The following BAG6 variants were observed in gnomAD, a reference collection of about 807,000 sequenced individuals.
BAG6 encodes the protein large proline-rich protein BAG6.
Under a neutral mutation model 121.0 loss-of-function variants are expected in BAG6, and 22 were observed. That is an observed-to-expected ratio of 0.18 (90% CI 0.13 to 0.26). BAG6 has a LOEUF of 0.26. Ranked by LOEUF, BAG6 falls within the 10% of genes least tolerant of loss-of-function variation. The probability of loss-of-function intolerance (pLI) is 1.00; values close to 1 mark genes in which losing one functional copy is unlikely to be tolerated. For synonymous variants in BAG6, 583 were observed against 584.6 expected (o/e 1.00, Z 0.04); for missense variants, 1,233 against 1,537.7 (o/e 0.80, Z 3.31).
intron 2 of BAG6, among the ~76,000 whole-genome samples, chr6:31,650,011 G>C (rs1427810964): frequency 1.3e-5 from 2 of 152,098 alleles, no homozygotes; most frequent in African/African-American, 4.8e-5. Context: ...TGAAGCAAGA[G>C]AATCACTTGA....
Position 31,644,157 on chromosome 6 carries a change from C to T in BAG6, c.1593G>A (p.Arg531=), listed in dbSNP as rs1480317873. Residue 531 remains arginine (R), a synonymous_variant, in exon 13 of 26, where the codon CGG becomes CGA. Transcript: ENST00000676615. This position sits in a 1 kb window ranked among gnomAD's most constrained non-coding sequence, Gnocchi z 4.9. ...QVPGFPTAPT[R]VVIARPTPPQ... Reference sequence around the variant, plus strand: ...GAGGAGTGGGCCGGGCAATCACCACCCGGGTTGGAGCTGTTGGGAAGCCTG... The same window carrying T: ...GAGGAGTGGGCCGGGCAATCACCACTCGGGTTGGAGCTGTTGGGAAGCCTG... The T allele has an allele frequency of 6.2e-7, 1 of 1,613,990 alleles. No individual in the cohort carries two copies. The highest frequency in any genetic ancestry group is 2.2e-5 in the East Asian group (1 of 44,876).
intron 25 of BAG6, 42 bp downstream of exon 25, chr6:31,639,458 C>T: frequency 6.3e-7 from 1 of 1,587,126 alleles, no homozygotes; most frequent in Non-Finnish European, 8.6e-7. Flanking sequence ...CCTAGCCCAA[C>T]CCCTCCCACT....
At position 31,641,396 on chromosome 6, in the gene BAG6, C is replaced by T. The variant is rs1782569005; in HGVS notation, c.2586G>A (p.Val862=). ...SFSLVQVQPG[V]DIIRTNLEFL... is the part of the protein sequence containing the mutation. The stretch of plus-strand genomic sequence containing the variant: ...ATTCCAGGTTTGTCCGGATGATGTC[C>T]ACACCTGGCTGAACCTGCACCAAGG... The change falls in exon 19 of 26, where the codon GTG becomes GTA. Residue 862 remains valine (V), a synonymous_variant. Coordinates refer to ENST00000676615, the MANE Select transcript of BAG6 (RefSeq NM_001387994.1). The surrounding 1 kb of genome is among the most constrained non-coding windows in gnomAD (Gnocchi z 5.7). The T allele has an allele frequency of 6.2e-7, 1 of 1,614,124 alleles. No individual in the cohort carries two copies. The highest frequency in any genetic ancestry group is 8.5e-7 in the Non-Finnish European group (1 of 1,180,052).
chr6:31,647,509 C>T (rs1791123670), intron 7 of BAG6, 82 bp downstream of exon 7: 1 of 1,577,084 alleles, frequency 6.3e-7, no homozygotes, highest in Non-Finnish European at 8.6e-7. Flanking sequence ...TAATCCTTTC[C>T]CTCCCTTGCC....
rs775821760 is a variant in BAG6 at position 31,651,727 on chromosome 6, C to T, written c.37G>A (p.Glu13Lys). 6.2e-7 allele frequency: 1 copy of T among 1,613,056 alleles called. No homozygotes were observed. Among genetic ancestry groups the T allele is most frequent in the Non-Finnish European group, 8.5e-7 (1 of 1,180,030 alleles). ...PNDSTSTAVE[E>K]PDSLEVLVKT... ...ACCAACACCTCCAAGCTGTCAGGCT[C>T]CTCCACAGCGGTACTGGTACTATCA... The change falls in exon 2 of 26, where the codon GAG (glutamate) becomes AAG (lysine). Residue 13 changes from glutamate to lysine, a missense_variant. By Grantham distance (56) the Glu-to-Lys change is moderately conservative. Around this residue, in one of 7 missense-constraint regions of BAG6, gnomAD observed 25 missense variants for 16.5 expected, o/e 1.52. Transcript: ENST00000676615.
intron 7 of BAG6, 41 bp from the exon 8 acceptor site, chr6:31,646,564 C>G (rs1561932618): frequency 1.2e-6 from 2 of 1,603,542 alleles, no homozygotes; most frequent in Non-Finnish European, 1.7e-6. Context: ...AAGCCTTCCT[C>G]AGATTCCCAC....
intron 15 of BAG6, 159 bp from the exon 16 acceptor site, chr6:31,642,562 AC>A: frequency 1.6e-6 from 1 of 631,916 alleles, no homozygotes; most frequent in Non-Finnish European, 2.7e-6. Context: ...TAGGTATTTA[AC>A]AGAGTCAGGC....
At chr6:31,642,573 C>A in intron 15 of BAG6, 170 bp from the exon 16 acceptor site, 1 of 630,998 alleles carries the variant, frequency 1.6e-6, no homozygotes, top group Non-Finnish European at 2.7e-6. Context: ...CAGAGTCAGG[C>A]AGCACAACTT....
At position 31,651,759 on chromosome 6, in the gene BAG6, T is replaced by C; in HGVS notation, c.5A>G (p.Glu2Gly). Residue 2 changes from glutamate (E) to glycine (G), a missense_variant, in exon 2 of 26, where the codon GAG becomes GGG. Physicochemically the swap from Glu to Gly is moderately conservative, Grantham distance 98. Around this residue, in one of 7 missense-constraint regions of BAG6, gnomAD observed 25 missense variants for 16.5 expected, o/e 1.52. Transcript: ENST00000676615. The stretch of plus-strand genomic sequence containing the variant: ...AGCGGTACTGGTACTATCATTAGGC[T>C]CCATGGCCGACAGGTCTCTAAAGAA... The part of the protein sequence containing the change: M[E>G]PNDSTSTAVE... 1 of 1,612,860 alleles carries C rather than the reference T, an allele frequency of 6.2e-7. No homozygotes were observed. The highest frequency in any genetic ancestry group is 1.1e-5 in the South Asian group (1 of 91,074).
rs1193773847 is a variant in BAG6 at position 31,646,376 on chromosome 6, G to A, written c.918+18C>T. On this transcript the variant is annotated intron_variant, in intron 8 of 25. Transcript: ENST00000676615. ...TACTGGGGCTGAGGAGAAAGGGCAG[G>A]GCCATCAAAGGGCTCACATTGTTAT... is the stretch of plus-strand genomic sequence containing the variant. 1 of 1,610,580 alleles carries A rather than the reference G, an allele frequency of 6.2e-7. No homozygotes were observed.
At position 31,649,585 on chromosome 6, in the gene BAG6, T is replaced by C; in HGVS notation, c.151A>G (p.Ser51Gly). 1 of 1,614,178 alleles carries C rather than the reference T, an allele frequency of 6.2e-7. No individual in the cohort carries two copies. The highest frequency in any genetic ancestry group is 8.5e-7 in the Non-Finnish European group (1 of 1,180,044). Residue 51 changes from serine (S) to glycine (G), a missense_variant, in exon 3 of 26, where the codon AGC (serine) becomes GGC (glycine). Coordinates refer to ENST00000676615, the MANE Select transcript of BAG6 (RefSeq NM_001387994.1). ...EFKEHIAASV[S>G]IPSEKQRLIY... ...AGCCGTTGTTTTTCAGATGGGATGC[T>C]GACAGAGGCAGCAATGTGCTCCTTA... is the stretch of plus-strand genomic sequence containing the variant.
rs748773115 is a variant in BAG6, at chr6:31,640,761, C to T, written c.2934+31G>A. On this transcript the variant is annotated intron_variant, in intron 21 of 25. Coordinates refer to ENST00000676615, the MANE Select transcript of BAG6 (RefSeq NM_001387994.1). The surrounding 1 kb of genome is among the most constrained non-coding windows in gnomAD (Gnocchi z 4.2). ...CAGATCTCTCCAGTTCTCTCAAGTA[C>T]CCTGACCCCATCGCCCAACAGGTCC... 4 of 1,612,746 alleles carry T rather than the reference C, an allele frequency of 2.5e-6. No individual in the cohort carries two copies. Among genetic ancestry groups the T allele is most frequent in the East Asian group, 2.2e-5 (1 of 44,890 alleles).
Position 31,642,418 on chromosome 6 carries a change from A to C in BAG6, c.2044-15T>G, listed in dbSNP as rs1783810165. On this transcript the variant is annotated splice_polypyrimidine_tract_variant and intron_variant, in intron 15 of 25. Coordinates refer to ENST00000676615, the MANE Select transcript of BAG6 (RefSeq NM_001387994.1). ...GTCTGTGTTGCCTGGCAAATAAAGA[A>C]AGAACAAAGAACAGAAAGTGAGGTG... 1 of 1,059,566 alleles carries C rather than the reference A, an allele frequency of 9.4e-7. No individual in the cohort carries two copies. Among genetic ancestry groups the C allele is most frequent in the South Asian group, 1.4e-5 (1 of 72,016 alleles). 65.6% of individuals were successfully genotyped at this position (1,059,566 alleles called of 1,614,324 possible).
Position 31,648,973 on chromosome 6 carries a change from A to G in BAG6, c.424-9T>C. On this transcript the variant is annotated splice_polypyrimidine_tract_variant and intron_variant, in intron 4 of 25. Transcript: ENST00000676615. ...ACAGCAGAGCCGTCACTCTGGGGAA[A>G]GGGTAAGGGAAGTTGTTCTGGGAGA... The G allele has an allele frequency of 6.6e-7, 1 of 1,523,262 alleles. No individual in the cohort carries two copies. Among genetic ancestry groups the G allele is most frequent in the South Asian group, 1.3e-5 (1 of 75,258 alleles). The allele number at this position is 1,523,262 out of a possible 1,614,324, so 94.4% of individuals were successfully genotyped here.
In BAG6 at chr6:31,644,874, G is replaced by C; in HGVS notation, c.1369+72C>G. ...CATGTGCCTCTCCCTTCCCCACCCTGTTCCCTCACACCTCAGCATGAACCT... is the reference window on the plus strand; with the variant it reads ...CATGTGCCTCTCCCTTCCCCACCCTCTTCCCTCACACCTCAGCATGAACCT... On this transcript the variant is annotated intron_variant, in intron 10 of 25. Transcript: ENST00000676615. The surrounding 1 kb of genome is among the most constrained non-coding windows in gnomAD (Gnocchi z 4.9). The C allele has an allele frequency of 6.5e-7, 1 of 1,533,772 alleles. No homozygotes were observed. The highest frequency in any genetic ancestry group is 8.8e-7 in the Non-Finnish European group (1 of 1,140,848).
Position 31,645,398 on chromosome 6 carries a change from CT to C in BAG6, c.1116+8del. The C allele has an allele frequency of 1.9e-6, 3 of 1,613,082 alleles. No individual in the cohort carries two copies. The highest frequency in any genetic ancestry group is 2.5e-6 in the Non-Finnish European group (3 of 1,180,036). On this transcript the variant is annotated splice_region_variant and intron_variant, in intron 9 of 25. Coordinates refer to ENST00000676615, the MANE Select transcript of BAG6 (RefSeq NM_001387994.1). ...CACTCTCCCTCAGGCCAGACTCCCCCTAACCCACCTGTATGGGAATGGCTGC... is the reference window on the plus strand; with the variant it reads ...CACTCTCCCTCAGGCCAGACTCCCCCAACCCACCTGTATGGGAATGGCTGC...
intron 15 of BAG6, 162 bp from the exon 16 acceptor site, chr6:31,642,565 G>A: frequency 1.6e-6 from 1 of 629,956 alleles, no homozygotes; most frequent in Non-Finnish European, 2.7e-6. Flanking sequence ...GTATTTAACA[G>A]AGTCAGGCAG....
chr6:31,644,730 A>G lies in BAG6; in HGVS notation c.1370-128T>C. The G allele has an allele frequency of 7.9e-7, 1 of 1,261,992 alleles. No homozygotes were observed. The highest frequency in any genetic ancestry group is 1.1e-6 in the Non-Finnish European group (1 of 874,710). 78.2% of individuals were successfully genotyped at this position (1,261,992 alleles called of 1,614,324 possible). On this transcript the variant is annotated intron_variant, in intron 10 of 25. Coordinates refer to ENST00000676615, the MANE Select transcript of BAG6 (RefSeq NM_001387994.1). This position sits in a 1 kb window ranked among gnomAD's most constrained non-coding sequence, Gnocchi z 4.9. ...AGAAAGCCTGCCTTTCCCTCCATCTAAACAGGGAGAGGTACTCCCTTCACC... is the reference window on the plus strand; with the variant it reads ...AGAAAGCCTGCCTTTCCCTCCATCTGAACAGGGAGAGGTACTCCCTTCACC...
In BAG6 at chr6:31,645,102, A is replaced by T; in HGVS notation, c.1213T>A (p.Ser405Thr). ...EAPPPGPGQA[S>T]SVAPSSTNVE... ...TTGGTAGAAGACGGAGCCACGGATG[A>T]GGCCTGCCCAGGACCAGGGGGAGGT... The change falls in exon 10 of 26, where the codon TCA becomes ACA. Residue 405 changes from serine (S) to threonine (T), a missense_variant. Ser to Thr is a moderately conservative substitution (Grantham distance 58, BLOSUM62 1). Coordinates refer to ENST00000676615, the MANE Select transcript of BAG6 (RefSeq NM_001387994.1). 1 of 1,612,966 alleles carries T rather than the reference A, an allele frequency of 6.2e-7. No homozygotes were observed. The highest frequency in any genetic ancestry group is 1.3e-5 in the African/African-American group (1 of 75,034).
Sources: allele counts gnomAD v4.1 joint callset (sites outside exome capture counted in the v4.1 genomes callset), GRCh38; gene constraint gnomAD v4.1.1; regional missense constraint gnomAD v4.1.1; non-coding constraint Gnocchi (gnomAD v3.1); transcripts MANE v1.5; gene names NCBI Gene and HGNC (gene_info 2026-07-23, HGNC 2026-07-21).